Variants in GGT1 observed in about 807,000 individuals in gnomAD.
GGT1 encodes glutathione hydrolase 1 proenzyme.
A neutral mutation model predicts 56.0 loss-of-function variants in GGT1; 21 were observed. The observed-to-expected ratio is 0.38, with a 90% CI of 0.27 to 0.54. The LOEUF is 0.54. GGT1 is among the 20% of genes least tolerant of loss of function. GGT1 has a pLI of 0.82. For missense variants in GGT1, 466 were observed against 787.0 expected (o/e 0.59, Z 4.88); for synonymous variants, 238 against 342.6 (o/e 0.69, Z 3.37).
chr22:24,584,784 C>A, the GGT1 span, among the ~76,000 whole-genome samples: 3 of 151,948 alleles, frequency 2.0e-5, no homozygotes, highest in Admixed American at 2.0e-4. Flanking sequence ...GCCTCAGTAT[C>A]CCCCCGGACA....
chr22:24,623,247 A>G lies in GGT1; in HGVS notation c.874A>G (p.Ile292Val). The G allele has an allele frequency of 6.3e-7, 1 of 1,580,136 alleles. No individual in the cohort carries two copies. Among genetic ancestry groups the G allele is most frequent in the Non-Finnish European group, 8.6e-7 (1 of 1,162,886 alleles). Residue 292 changes from isoleucine to valine, a missense_variant, in exon 10 of 16, where the codon ATC becomes GTC. Ile to Val is a conservative substitution (Grantham distance 29). This residue lies in a region of GGT1 where 456 missense variants were observed against 716.7 expected (regional missense o/e 0.64). Coordinates refer to ENST00000400382, the MANE Select transcript of GGT1 (RefSeq NM_001288833.2). ...GCCCGTGCTGGCCCTCATCCTCAAC[A>G]TCCTCAAAGGTGAGTGGTCGCACCA... Reference protein sequence around the residue: ...SGPVLALILNILKGYNFSRES... With the variant: ...SGPVLALILNVLKGYNFSRES...
At chr22:24,586,163 G>A in the GGT1 span, 6 of 1,613,404 alleles carry the variant, frequency 3.7e-6, no homozygotes, top group South Asian at 6.6e-5. Context: ...CTTGCGGGCA[G>A]TGGCCCGCGT....
At chr22:24,617,930 G>A (rs1417753648) in intron 7 of GGT1, among the ~76,000 whole-genome samples, 2 of 152,030 alleles carry the variant, frequency 1.3e-5, no homozygotes, top group Non-Finnish European at 2.9e-5. Flanking sequence ...GTGCTGGGAT[G>A]CAGGGGCAGC....
chr22:24,622,346 C>T (rs752352665), intron 9 of GGT1, among the ~76,000 whole-genome samples: 2 of 152,038 alleles, frequency 1.3e-5, no homozygotes, highest in South Asian at 2.1e-4. Flanking sequence ...GTGTGGATCA[C>T]GGGGTCAGGA....
At chr22:24,613,375 GA>G (rs4049878) in intron 5 of GGT1, among the ~76,000 whole-genome samples, 14 of 151,938 alleles carry the variant, frequency 9.2e-5, no homozygotes, top group Non-Finnish European at 1.2e-4. Flanking sequence ...CTCTAGCCGG[GA>G]AAAAAAATGT....
At chr22:24,588,784 A>T in the GGT1 span, 105 of 1,016,648 alleles carry the variant, frequency 1.0e-4, no homozygotes, top group Admixed American at 1.1e-3. Context: ...TCTTCCTCTC[A>T]CTCTCCAAGC....
In GGT1 at chr22:24,628,144, T is replaced by C. The variant is rs771588869; in HGVS notation, c.1400T>C (p.Met467Thr). 4.3e-6 allele frequency: 7 copies of C among 1,611,958 alleles called. No individual in the cohort carries two copies. The South Asian group carries it at 6.6e-5, about 15-fold the overall frequency. Residue 467 changes from methionine (M) to threonine (T), a missense_variant, in exon 14 of 16, where the codon ATG becomes ACG. By Grantham distance (81) the Met-to-Thr change is moderately conservative (BLOSUM62 -1). This residue lies in a region of GGT1 where 456 missense variants were observed against 716.7 expected (regional missense o/e 0.64). Coordinates refer to ENST00000400382, the MANE Select transcript of GGT1 (RefSeq NM_001288833.2). This position sits in a 1 kb window ranked among gnomAD's most constrained non-coding sequence, Gnocchi z 5.7. ...GTGGGCCAGGACGGCCAGGTCCGGATGGTGGTGGGAGCTGCTGGGGGCACA... is the reference window on the plus strand; with the variant it reads ...GTGGGCCAGGACGGCCAGGTCCGGACGGTGGTGGGAGCTGCTGGGGGCACA... ...IMVGQDGQVR[M>T]VVGAAGGTQI...
At chr22:24,614,598 G>A (rs1601704893) in intron 5 of GGT1, among the ~76,000 whole-genome samples, 178 bp from the exon 6 acceptor site, 1 of 136,514 alleles carries the variant, frequency 7.3e-6, no homozygotes. Context: ...CCTGGCAATA[G>A]AGCAAGACTC....
rs113675142 is a variant in GGT1 at position 24,616,554 on chromosome 22, C to CTT, written c.382+1440_382+1441dup. On this transcript the variant is annotated intron_variant, in intron 7 of 15. Transcript: ENST00000400382. The stretch of plus-strand genomic sequence containing the variant: ...TCTTTGACTTTTTTCTTTTTTTTTT[C>CTT]TTTTTTTTTTTTTTGTCACCCAGAC... Among the ~76,000 whole-genome samples, 674 of 131,966 alleles carry CTT rather than the reference C, an allele frequency of 5.1e-3. 9 individuals carry two copies. Among genetic ancestry groups the CTT allele is most frequent in the African/African-American group, 0.018 (640 of 35,400 alleles). The allele number at this position is 131,966 out of a possible 152,430, so 86.6% of individuals were successfully genotyped here.
chr22:24,586,422 G>A, the GGT1 span: 12 of 1,601,040 alleles, frequency 7.5e-6, no homozygotes, highest in South Asian at 2.2e-5. Flanking sequence ...CTATGGGAGA[G>A]TGGCAGGTGG....
chr22:24,605,694 A>ATAT (rs1394257218), intron 1 of GGT1, among the ~76,000 whole-genome samples: 4 of 67,112 alleles, frequency 6.0e-5, no homozygotes, highest in Non-Finnish European at 9.0e-5. Flanking sequence ...TGTGTATTAT[A>ATAT]TATTTAATAT....
At position 24,628,049 on chromosome 22, in the gene GGT1, C is replaced by G; in HGVS notation, c.1337-32C>G. The G allele has an allele frequency of 6.2e-7, 1 of 1,610,870 alleles. No individual in the cohort carries two copies. Among genetic ancestry groups the G allele is most frequent in the Non-Finnish European group, 8.5e-7 (1 of 1,179,664 alleles). ...GCGGGTGTCCTGGGCAGGCAGCTGA[C>G]GGGCATCCCTGTCTTCTCCCATCGG... On this transcript the variant is annotated intron_variant, in intron 13 of 15. Coordinates refer to ENST00000400382, the MANE Select transcript of GGT1 (RefSeq NM_001288833.2). The surrounding 1 kb of genome is among the most constrained non-coding windows in gnomAD (Gnocchi z 5.7).
chr22:24,587,961 AT>A, the GGT1 span, among the ~76,000 whole-genome samples: 1 of 152,060 alleles, frequency 6.6e-6, no homozygotes, highest in Admixed American at 6.5e-5. Context: ...GGATTGAGGG[AT>A]GTATGAATGG....
chr22:24,624,615 C>T (rs1774534603), intron 11 of GGT1: 2 of 927,464 alleles, frequency 2.2e-6, no homozygotes, highest in Middle Eastern at 5.7e-4. Flanking sequence ...GGGACAGAGC[C>T]ACTGCAGTGT....
chr22:24,627,569 C>G lies in GGT1; in HGVS notation c.1158C>G (p.Val386=), dbSNP rs4049840. The change falls in exon 12 of 16, where the codon GTC becomes GTG. Residue 386 remains valine, a synonymous_variant. Transcript: ENST00000400382. ...PDDGGTAHLS[V]VAEDGSAVSA... ...ACGGGGGCACTGCTCACCTGTCTGT[C>G]GTCGCAGAGGACGGCAGTGCTGTGT... 1.9e-6 allele frequency: 3 copies of G among 1,611,336 alleles called. No individual in the cohort carries two copies. The highest frequency in any genetic ancestry group is 1.1e-5 in the South Asian group (1 of 90,938).
intron 1 of GGT1, among the ~76,000 whole-genome samples, chr22:24,604,694 T>C (rs1261123487): frequency 6.6e-6 from 1 of 151,972 alleles, no homozygotes; most frequent in Non-Finnish European, 1.5e-5. Flanking sequence ...CCAGACCCAC[T>C]TCCCCCTAGG....
intron 7 of GGT1, among the ~76,000 whole-genome samples, chr22:24,618,381 AG>A (rs2047200759): frequency 6.6e-6 from 1 of 152,218 alleles, no homozygotes; most frequent in Non-Finnish European, 1.5e-5. Flanking sequence ...ACCTGAGGTC[AG>A]GAGTTTGAAA....
the GGT1 span, chr22:24,589,638 T>C: frequency 1.4e-6 from 1 of 703,912 alleles, no homozygotes; most frequent in African/African-American, 1.8e-5. Context: ...TCACACTTGC[T>C]CTAGCTGGTG....
chr22:24,613,021 T>C (rs1325954224), intron 5 of GGT1, among the ~76,000 whole-genome samples: 8 of 152,148 alleles, frequency 5.3e-5, no homozygotes, highest in Admixed American at 1.3e-4. Flanking sequence ...TAGACTCTTA[T>C]CTCATGTTAT....
Sources: gnomAD v4.1 joint callset for allele counts (sites outside exome capture counted in the v4.1 genomes callset) on GRCh38, gnomAD v4.1.1 for gene constraint, gnomAD v4.1.1 regional missense constraint, Gnocchi (gnomAD v3.1) non-coding constraint, MANE v1.5 for transcripts, NCBI Gene and HGNC (gene_info 2026-07-23, HGNC 2026-07-21) for gene names.